The following CHRM2 variants were observed in gnomAD, a reference collection of about 807,000 sequenced individuals.
The protein encoded by CHRM2 is muscarinic acetylcholine receptor M2.
Under a neutral mutation model 25.0 loss-of-function variants are expected in CHRM2, and 8 were observed. That is an observed-to-expected ratio of 0.32 (90% CI 0.19 to 0.58). CHRM2 has a LOEUF of 0.58. CHRM2 is among the 20% of genes least tolerant of loss of function. CHRM2 has a pLI of 0.88. For missense variants in CHRM2, 440 were observed against 567.1 expected, an observed-to-expected ratio of 0.78 and a Z score of 2.28; for synonymous variants, 202 against 205.7, an observed-to-expected ratio of 0.98 and a Z score of 0.15.
At chr7:136,938,057 TGA>T (rs1303868551) in intron 2 of CHRM2, among the ~76,000 whole-genome samples, 2 of 152,124 alleles carry the variant, frequency 1.3e-5, no homozygotes, top group African/African-American at 4.8e-5. Context: ...TAATGGTGTA[TGA>T]GAGAGGGCAG....
At chr7:136,999,826 T>C (rs1324511145) in intron 3 of CHRM2, among the ~76,000 whole-genome samples, 1 of 152,138 alleles carries the variant, frequency 6.6e-6, no homozygotes, top group African/African-American at 2.4e-5. Flanking sequence ...TCTGGAAATG[T>C]TGGTGAACGG....
chr7:136,932,537 T>G lies in CHRM2; in HGVS notation c.-124-59650T>G, dbSNP rs900135430. 4.6e-5 allele frequency among the ~76,000 whole-genome samples: 7 copies of G among 152,302 alleles called. No homozygotes were observed. In the East Asian group the frequency reaches 1.4e-3, roughly 29 times the overall value. On this transcript the variant is annotated intron_variant, in intron 2 of 3. Transcript: ENST00000680005. The stretch of plus-strand genomic sequence containing the variant: ...ATTCACTGGGGAAAGATTAATCTTC[T>G]CAACAATTGTGCCACAACAGCTGGA...
rs540566102 is a variant in CHRM2 at position 136,980,057 on chromosome 7, T to C, written c.-124-12130T>C. On this transcript the variant is annotated intron_variant, in intron 2 of 3. Coordinates refer to ENST00000680005, the MANE Select transcript of CHRM2 (RefSeq NM_001006630.2). ...GGTCAGTATGGCCATTTTCATGATA[T>C]TGATTCTTCCTATCCATGAGCATGA... Among the ~76,000 whole-genome samples the C allele has an allele frequency of 1.1e-3, 169 of 152,356 alleles. 2 individuals are homozygous for C. Among genetic ancestry groups the C allele is most frequent in the Admixed American group, 0.011 (169 of 15,294 alleles).
At chr7:136,980,044 C>A (rs763898215) in intron 2 of CHRM2, among the ~76,000 whole-genome samples, 4 of 152,168 alleles carry the variant, frequency 2.6e-5, no homozygotes, top group Non-Finnish European at 5.9e-5. Flanking sequence ...TCAGTATGGC[C>A]ATTTTCATGA....
intron 2 of CHRM2, among the ~76,000 whole-genome samples, chr7:136,917,396 T>C (rs1310882379): frequency 6.6e-6 from 1 of 151,974 alleles, no homozygotes; most frequent in African/African-American, 2.4e-5. Flanking sequence ...CTCCTGTTGG[T>C]TCATAACAGT....
intron 2 of CHRM2, among the ~76,000 whole-genome samples, chr7:136,894,501 A>G (rs1796813891): frequency 1.3e-5 from 2 of 152,054 alleles, no homozygotes; most frequent in African/African-American, 2.4e-5. Context: ...CCTCCCGAGT[A>G]GGTGAGATTA....
intron 2 of CHRM2, among the ~76,000 whole-genome samples, chr7:136,921,790 C>CTTTTTTTTTTTTTTTTTTTTTTTTTTTTT (rs201063228): frequency 8.8e-6 from 1 of 113,986 alleles, no homozygotes; most frequent in Non-Finnish European, 2.2e-5. Flanking sequence ...TTCTTTCTTT[C>CTTTTTTTTTTTTTTTTTTTTTTTTTTTTT]TTTCTTTTTT....
intron 2 of CHRM2, among the ~76,000 whole-genome samples, chr7:136,901,154 C>G (rs1451455538): frequency 6.6e-6 from 1 of 151,952 alleles, no homozygotes; most frequent in Non-Finnish European, 1.5e-5. Context: ...GTGGGCACCC[C>G]CAAAGTGGAA....
At chr7:136,922,176 G>A (rs1199880836) in intron 2 of CHRM2, among the ~76,000 whole-genome samples, 2 of 152,134 alleles carry the variant, frequency 1.3e-5, no homozygotes. Context: ...AAGCTCATTT[G>A]CTCAAGCAGC....
chr7:136,935,683 A>T (rs10231447), intron 2 of CHRM2, among the ~76,000 whole-genome samples: 11,085 of 152,014 alleles, frequency 0.073, 500 homozygotes, highest in African/African-American at 0.13. Context: ...ACTTCTTTAA[A>T]CTCATAACAT....
At position 136,994,988 on chromosome 7, in the gene CHRM2, A is replaced by T. The variant is rs1345984745; in HGVS notation, c.-47+2724A>T. 3.3e-5 allele frequency among the ~76,000 whole-genome samples: 5 copies of T among 152,250 alleles called. No individual in the cohort carries two copies. The South Asian group carries it at 8.3e-4, about 25-fold the overall frequency. On this transcript the variant is annotated intron_variant, in intron 3 of 3. Transcript: ENST00000680005. ...CAGAGGTGAGAAGGCTGTGGAATACAATTAACTTTAATAAATACAGAAGCA... is the reference window on the plus strand; with the variant it reads ...CAGAGGTGAGAAGGCTGTGGAATACTATTAACTTTAATAAATACAGAAGCA...
rs1168621723 is a variant in CHRM2 at position 136,868,772 on chromosome 7, ACAGACACACACACACT to A, written c.-500_-485del. On this transcript the variant is annotated 5_prime_UTR_variant, in exon 1 of 4. Transcript: ENST00000680005. ...CACACACACACACACACACACACAC[ACAGACACACACACACT>A]CACACACTCCAGGCTGCGGGTTGGC... 1.4e-5 allele frequency: 2 copies of A among 145,630 alleles called. No individual in the cohort carries two copies. The highest frequency in any genetic ancestry group is 2.5e-5 in the African/African-American group (1 of 40,524). 9.0% of individuals were successfully genotyped at this position (145,630 alleles called of 1,614,324 possible). A position where few individuals can be genotyped will look rare whatever the true frequency, so the allele number is the denominator to read the frequency against.
At chr7:136,890,217 G>T (rs1463583426) in intron 2 of CHRM2, among the ~76,000 whole-genome samples, 1 of 152,166 alleles carries the variant, frequency 6.6e-6, no homozygotes, top group Non-Finnish European at 1.5e-5. Flanking sequence ...GTTGTGACTT[G>T]TATCCTGAAG....
chr7:136,917,220 C>T (rs947989502), intron 2 of CHRM2, among the ~76,000 whole-genome samples: 28 of 150,950 alleles, frequency 1.9e-4, no homozygotes, highest in Non-Finnish European at 3.4e-4. Context: ...AATACCTGCT[C>T]GCCGTCCTCT....
chr7:137,014,486 T>C (rs1281251246), intron 3 of CHRM2, among the ~76,000 whole-genome samples: 2 of 152,064 alleles, frequency 1.3e-5, no homozygotes, highest in African/African-American at 4.8e-5. Context: ...GTAATTTTGG[T>C]TTATTTAATT....
chr7:136,935,501 A>G (rs1350629300), intron 2 of CHRM2, among the ~76,000 whole-genome samples: 1 of 152,140 alleles, frequency 6.6e-6, no homozygotes, highest in Non-Finnish European at 1.5e-5. Context: ...TAAAGAGGAA[A>G]CGTTCAACAG....
intron 2 of CHRM2, among the ~76,000 whole-genome samples, chr7:136,937,971 C>A (rs1336926030): frequency 6.6e-6 from 1 of 152,140 alleles, no homozygotes; most frequent in Admixed American, 6.5e-5. Flanking sequence ...AGCAATGAAG[C>A]CTGATGGCTT....
At chr7:136,895,749 A>C (rs978221490) in intron 2 of CHRM2, among the ~76,000 whole-genome samples, 8 of 152,166 alleles carry the variant, frequency 5.3e-5, no homozygotes, top group Non-Finnish European at 1.0e-4. Context: ...CTTTGTTGTC[A>C]GTATAGTTAC....
chr7:136,881,664 T>G (rs1239954747), intron 2 of CHRM2, among the ~76,000 whole-genome samples: 1 of 152,034 alleles, frequency 6.6e-6, no homozygotes, highest in Non-Finnish European at 1.5e-5. Context: ...ATCTTGTAGT[T>G]TTTAACTGTC....
Sources: allele counts gnomAD v4.1 joint callset (sites outside exome capture counted in the v4.1 genomes callset), GRCh38; gene constraint gnomAD v4.1.1; transcripts MANE v1.5; gene names NCBI Gene and HGNC (gene_info 2026-07-23, HGNC 2026-07-21).